AKAP13: variants seen among roughly 807,000 people sequenced by gnomAD.
AKAP13 encodes A-kinase anchor protein 13.
A neutral mutation model predicts 264.5 loss-of-function variants in AKAP13; 80 were observed. The observed-to-expected ratio is 0.30, with a 90% CI of 0.25 to 0.36. The LOEUF is 0.36. Ranked by LOEUF, AKAP13 falls within the 10% of genes least tolerant of loss-of-function variation. AKAP13 has a pLI of 1.00. For missense variants in AKAP13, 3,712 were observed against 3,435.2 expected, an observed-to-expected ratio of 1.08 and a Z score of -2.01; for synonymous variants, 1,380 against 1,250.2, an observed-to-expected ratio of 1.10 and a Z score of -2.19.
At chr15:85,668,090 C>T (rs978614470) in intron 13 of AKAP13, among the ~76,000 whole-genome samples, 4 of 152,166 alleles carry the variant, frequency 2.6e-5, no homozygotes, top group South Asian at 2.1e-4. Flanking sequence ...CTGATCTAGA[C>T]GAGTTGCCTG....
rs143303942 is a variant in AKAP13, at chr15:85,689,276, G to A, written c.5290-4001G>A. Among the ~76,000 whole-genome samples, 6 of 152,248 alleles carry A rather than the reference G, an allele frequency of 3.9e-5. No homozygotes were observed. In the East Asian group the frequency reaches 1.2e-3, roughly 29 times the overall value. ...CTGTACCCATAGGCCTTTCAGAAGT[G>A]CCTCCTAGAGTAGTGTTTACAAAGA... On this transcript the variant is annotated intron_variant, in intron 16 of 36. Transcript: ENST00000394518.
At chr15:85,457,270 A>C (rs1416555268) in intron 1 of AKAP13, among the ~76,000 whole-genome samples, 1 of 152,362 alleles carries the variant, frequency 6.6e-6, no homozygotes, top group African/African-American at 2.4e-5. Flanking sequence ...TTGAGGGCCT[A>C]CCGTAATATA....
At chr15:85,474,064 G>C (rs537603260) in intron 1 of AKAP13, among the ~76,000 whole-genome samples, 3 of 152,186 alleles carry the variant, frequency 2.0e-5, no homozygotes, top group Admixed American at 2.0e-4. Flanking sequence ...TGTGATATCA[G>C]TTCTTTCTCT....
At chr15:85,612,000 T>G (rs2080652527) in intron 8 of AKAP13, among the ~76,000 whole-genome samples, 1 of 152,240 alleles carries the variant, frequency 6.6e-6, no homozygotes, top group South Asian at 2.1e-4. Flanking sequence ...AATATCCATT[T>G]TGTTCACTGC....
At chr15:85,483,226 T>A (rs1438177413) in intron 1 of AKAP13, among the ~76,000 whole-genome samples, 2 of 152,176 alleles carry the variant, frequency 1.3e-5, no homozygotes, top group Non-Finnish European at 2.9e-5. Context: ...AAGTCACTAG[T>A]TTGTCTCTGT....
intron 26 of AKAP13, chr15:85,726,054 G>T (rs1280247521): frequency 5.7e-6 from 1 of 174,526 alleles, no homozygotes; most frequent in African/African-American, 2.4e-5. Context: ...CCTGCTATGT[G>T]TTGCTGTTTA....
intron 2 of AKAP13, among the ~76,000 whole-genome samples, chr15:85,507,123 A>C (rs1388068092): frequency 6.6e-6 from 1 of 152,020 alleles, no homozygotes; most frequent in African/African-American, 2.4e-5. Flanking sequence ...TATTTATAGC[A>C]CCTGTTATAT....
intron 1 of AKAP13, among the ~76,000 whole-genome samples, chr15:85,433,272 TATG>T (rs1167820245): frequency 6.6e-6 from 1 of 152,110 alleles, no homozygotes; most frequent in African/African-American, 2.4e-5. Flanking sequence ...ATTATTTCCT[TATG>T]ATAAAGTAAA....
In AKAP13 at chr15:85,461,417, G is replaced by A. The variant is rs192333656; in HGVS notation, c.-11-24293G>A. On this transcript the variant is annotated intron_variant, in intron 1 of 36. Coordinates refer to ENST00000394518, the MANE Select transcript of AKAP13 (RefSeq NM_007200.5). Reference sequence around the variant, plus strand: ...AGGTGTGAGCCACTGCGCCCGGCCCGTTATAATTTCATCTCTATCCTCAGA... The same window carrying A: ...AGGTGTGAGCCACTGCGCCCGGCCCATTATAATTTCATCTCTATCCTCAGA... Among the ~76,000 whole-genome samples, 44 of 152,090 alleles carry A rather than the reference G, an allele frequency of 2.9e-4. No homozygotes were observed. In the East Asian group the frequency reaches 7.9e-3, roughly 27 times the overall value.
chr15:85,586,801 G>T (rs1290218937), intron 8 of AKAP13, among the ~76,000 whole-genome samples: 2 of 151,882 alleles, frequency 1.3e-5, no homozygotes, highest in African/African-American at 4.8e-5. Context: ...GGTGGCAGGT[G>T]CCTGTAATCC....
At chr15:85,540,761 C>T (rs969307961) in intron 4 of AKAP13, among the ~76,000 whole-genome samples, 1 of 152,198 alleles carries the variant, frequency 6.6e-6, no homozygotes, top group African/African-American at 2.4e-5. Context: ...TTCTACAAAC[C>T]TAATTCACAT....
chr15:85,714,637 C>G (rs1237064583), intron 19 of AKAP13, among the ~76,000 whole-genome samples: 3 of 152,158 alleles, frequency 2.0e-5, no homozygotes, highest in African/African-American at 4.8e-5. Context: ...GAACGCTGCT[C>G]CCAGTTATCT....
chr15:85,674,282 A>C (rs1288777895), intron 14 of AKAP13, among the ~76,000 whole-genome samples: 1 of 152,238 alleles, frequency 6.6e-6, no homozygotes, highest in Non-Finnish European at 1.5e-5. Context: ...CCACAAGTGG[A>C]AAATTCCACA....
chr15:85,399,293 G>A (rs1442146407), intron 1 of AKAP13, among the ~76,000 whole-genome samples: 1 of 150,472 alleles, frequency 6.6e-6, no homozygotes, highest in East Asian at 1.9e-4. Context: ...TCAGGAGATC[G>A]AGACCATCCT....
In AKAP13 at chr15:85,543,227, G is replaced by T. The variant is rs75827164; in HGVS notation, c.479-545G>T. ...GCCAGAAATTTGATTTGCCCTTATTGTGTAGGAATAAAAAGACCCATGTGT... is the reference window on the plus strand; with the variant it reads ...GCCAGAAATTTGATTTGCCCTTATTTTGTAGGAATAAAAAGACCCATGTGT... On this transcript the variant is annotated intron_variant, in intron 4 of 36. Coordinates refer to ENST00000394518, the MANE Select transcript of AKAP13 (RefSeq NM_007200.5). Among the ~76,000 whole-genome samples the T allele has an allele frequency of 2.8e-4, 42 of 152,234 alleles. No individual in the cohort carries two copies. The East Asian group carries it at 6.6e-3, about 24-fold the overall frequency.
intron 1 of AKAP13, among the ~76,000 whole-genome samples, chr15:85,479,212 A>T (rs1225512915): frequency 6.6e-6 from 1 of 152,216 alleles, no homozygotes; most frequent in African/African-American, 2.4e-5. Flanking sequence ...TCTAGCTCAT[A>T]TTCCCAGCCT....
At chr15:85,540,520 A>G (rs557247226) in intron 4 of AKAP13, among the ~76,000 whole-genome samples, 1 of 152,312 alleles carries the variant, frequency 6.6e-6, no homozygotes, top group South Asian at 2.1e-4. Flanking sequence ...GACTCAGTTG[A>G]CACTGTAGGA....
chr15:85,440,977 AAAAAC>A (rs1363051997), intron 1 of AKAP13, among the ~76,000 whole-genome samples: 2 of 152,226 alleles, frequency 1.3e-5, no homozygotes, highest in African/African-American at 2.4e-5. Context: ...GAAACTCTAA[AAAAAC>A]AAAACAAAAC....
chr15:85,655,615 A>G lies in AKAP13; in HGVS notation c.4573A>G (p.Ser1525Gly), dbSNP rs35079107. The change falls in exon 11 of 37, where the codon AGT (serine) becomes GGT (glycine). Residue 1525 changes from serine (S) to glycine (G), a missense_variant. This residue lies in a region of AKAP13 where 2,759 missense variants were observed against 2,411.7 expected (regional missense o/e 1.14). Coordinates refer to ENST00000394518, the MANE Select transcript of AKAP13 (RefSeq NM_007200.5). ...GMGAEGRESESEPADPGDVEE... is the reference protein window; with the variant it reads ...GMGAEGRESEGEPADPGDVEE... ...GGGAGCTGAGGGTCGAGAAAGTGAG[A>G]GTGAGCCTGCTGACCCAGGCGACGT... 5,518 of 1,614,194 alleles carry G rather than the reference A, an allele frequency of 3.4e-3. 143 individuals are homozygous for G. The African/African-American group carries it at 0.062, about 18-fold the overall frequency.
Sources: gnomAD v4.1 joint callset for allele counts (sites outside exome capture counted in the v4.1 genomes callset) on GRCh38, gnomAD v4.1.1 for gene constraint, gnomAD v4.1.1 regional missense constraint, MANE v1.5 for transcripts, NCBI Gene and HGNC (gene_info 2026-07-23, HGNC 2026-07-21) for gene names.